Variants in PRIM2 observed in about 807,000 individuals in gnomAD.
PRIM2 encodes DNA primase subunit 2.
A neutral mutation model predicts 67.3 loss-of-function variants in PRIM2; 39 were observed. The observed-to-expected ratio is 0.58, with a 90% CI of 0.45 to 0.76. The LOEUF (loss-of-function observed/expected upper bound fraction) is 0.76, where lower values mean the gene tolerates loss of function less well. Ranked by LOEUF, PRIM2 falls within the 30% of genes least tolerant of loss-of-function variation. The pLI is 0.00. For synonymous variants in PRIM2, 143 were observed against 198.7 expected (o/e 0.72, Z 2.36); for missense variants, 398 against 598.7 (o/e 0.66, Z 3.50).
intron 5 of PRIM2, among the ~76,000 whole-genome samples, chr6:57,372,124 A>G (rs574122640): frequency 2.0e-5 from 3 of 152,332 alleles, no homozygotes; most frequent in Admixed American, 1.3e-4. Flanking sequence ...AAAACTTCTC[A>G]TGGCATCTAG....
chr6:57,348,922 T>G (rs1268824955), intron 5 of PRIM2, among the ~76,000 whole-genome samples: 1 of 152,050 alleles, frequency 6.6e-6, no homozygotes, highest in African/African-American at 2.4e-5. Flanking sequence ...AATTTTTGTA[T>G]TTTTAGTAGA....
chr6:57,289,187 G>A, the PRIM2 span, among the ~76,000 whole-genome samples: 1 of 152,106 alleles, frequency 6.6e-6, no homozygotes, highest in African/African-American at 2.4e-5. Context: ...ATTTGACCAA[G>A]TGGAAGAAAG....
chr6:57,556,685 A>G lies in PRIM2; in HGVS notation c.1020+19060A>G, dbSNP rs1183812758. Among the ~76,000 whole-genome samples, 211 of 152,336 alleles carry G rather than the reference A, an allele frequency of 1.4e-3. 5 individuals carry two copies. The East Asian group carries it at 0.019, about 13-fold the overall frequency. ...TTAAACCCAAAACACTACAAACCCT[A>G]GAAGACAACCTAGACAGTACCATCC... On this transcript the variant is annotated intron_variant, in intron 10 of 13. Transcript: ENST00000615550.
chr6:57,438,196 CAT>C (rs1295029905), intron 7 of PRIM2, among the ~76,000 whole-genome samples: 1 of 152,098 alleles, frequency 6.6e-6, no homozygotes, highest in African/African-American at 2.4e-5. Flanking sequence ...TTTAAAACCT[CAT>C]AAATGTAAAA....
chr6:57,248,109 C>A, the PRIM2 span, among the ~76,000 whole-genome samples: 420 of 152,198 alleles, frequency 2.8e-3, 1 homozygote, highest in Admixed American at 4.8e-3. Flanking sequence ...GTGGCGTAAC[C>A]AAATGTATCC....
intron 5 of PRIM2, among the ~76,000 whole-genome samples, chr6:57,377,347 C>T (rs1230624394): frequency 3.3e-5 from 5 of 151,890 alleles, no homozygotes; most frequent in South Asian, 2.1e-4. Context: ...TTTGTTCTTA[C>T]CTATATTGTT....
intron 10 of PRIM2, among the ~76,000 whole-genome samples, chr6:57,554,200 A>G (rs1207944142): frequency 1.4e-5 from 2 of 147,650 alleles, no homozygotes; most frequent in Non-Finnish European, 3.0e-5. Context: ...ACTCCTTTCT[A>G]TGGATAACAT....
chr6:57,366,570 AG>A (rs1164520836), intron 5 of PRIM2, among the ~76,000 whole-genome samples: 2 of 152,164 alleles, frequency 1.3e-5, no homozygotes, highest in Non-Finnish European at 2.9e-5. Flanking sequence ...CTGTGAAACT[AG>A]TGTTGACTGG....
At chr6:57,615,555 G>T (rs1254124405) in intron 12 of PRIM2, among the ~76,000 whole-genome samples, 7 of 151,942 alleles carry the variant, frequency 4.6e-5, no homozygotes, top group African/African-American at 1.7e-4. Context: ...TTTTCAAATT[G>T]TACTTTGTTT....
At chr6:57,475,966 T>G (rs1243127955) in intron 7 of PRIM2, among the ~76,000 whole-genome samples, 1 of 152,180 alleles carries the variant, frequency 6.6e-6, no homozygotes, top group Non-Finnish European at 1.5e-5. Context: ...TGTTTCTGTT[T>G]GTGATTTGTG....
At chr6:57,359,280 A>G (rs1315049738) in intron 5 of PRIM2, among the ~76,000 whole-genome samples, 1 of 152,190 alleles carries the variant, frequency 6.6e-6, no homozygotes. Flanking sequence ...AGTAGACTTG[A>G]TGGAGAATCT....
At chr6:57,523,961 ATC>A (rs1209228693) in intron 8 of PRIM2, among the ~76,000 whole-genome samples, 5 of 151,950 alleles carry the variant, frequency 3.3e-5, no homozygotes, top group African/African-American at 1.2e-4. Flanking sequence ...GTGCAGATGT[ATC>A]TGTTTCAGAT....
At chr6:57,303,408 A>T in the PRIM2 span, among the ~76,000 whole-genome samples, 1 of 152,126 alleles carries the variant, frequency 6.6e-6, no homozygotes, top group African/African-American at 2.4e-5. Flanking sequence ...TGGTGGGCCA[A>T]TTTAATTGTT....
chr6:57,617,680 A>G (rs1215963314), intron 12 of PRIM2, among the ~76,000 whole-genome samples: 3 of 152,136 alleles, frequency 2.0e-5, no homozygotes, highest in African/African-American at 7.2e-5. Flanking sequence ...ATGATTTGCA[A>G]ATATGTTCTC....
the PRIM2 span, among the ~76,000 whole-genome samples, chr6:57,231,855 A>G: frequency 0.039 from 1,246 of 32,098 alleles, 12 homozygotes; most frequent in African/African-American, 0.06. Context: ...TCCCTAAGGG[A>G]AAAAAAAAAA....
At chr6:57,262,820 G>A in the PRIM2 span, among the ~76,000 whole-genome samples, 1,451 of 152,200 alleles carry the variant, frequency 9.5e-3, 27 homozygotes, top group African/African-American at 0.033. Flanking sequence ...TGCTTCCACC[G>A]TCTTTCTAGA....
intron 10 of PRIM2, among the ~76,000 whole-genome samples, chr6:57,589,758 G>A (rs1392542252): frequency 1.3e-5 from 2 of 152,288 alleles, no homozygotes; most frequent in East Asian, 3.9e-4. Flanking sequence ...AAAGCAAGCA[G>A]ACAGTATTAG....
chr6:57,525,231 G>A (rs1774723095), intron 8 of PRIM2, among the ~76,000 whole-genome samples: 1 of 151,904 alleles, frequency 6.6e-6, no homozygotes, highest in African/African-American at 2.4e-5. Context: ...AAAATGCTAC[G>A]CCCTTATCAC....
intron 7 of PRIM2, among the ~76,000 whole-genome samples, chr6:57,491,713 C>T (rs1773896069): frequency 6.6e-6 from 1 of 152,054 alleles, no homozygotes; most frequent in Non-Finnish European, 1.5e-5. Context: ...TGTCTCACCA[C>T]CAGGAACATT....
Sources: gnomAD v4.1 joint callset for allele counts (sites outside exome capture counted in the v4.1 genomes callset) on GRCh38, gnomAD v4.1.1 for gene constraint, MANE v1.5 for transcripts, NCBI Gene and HGNC (gene_info 2026-07-23, HGNC 2026-07-21) for gene names.